GXYLT1: variants seen among roughly 807,000 people sequenced by gnomAD.
GXYLT1 encodes glucoside xylosyltransferase 1.
In GXYLT1, 29 loss-of-function variants were observed where a neutral mutation model predicts 54.0. The observed-to-expected ratio is 0.54, with a 90% CI of 0.40 to 0.73. GXYLT1 has a LOEUF of 0.73. Among genes scored for constraint, GXYLT1 ranks in the 30% least tolerant of loss-of-function variants. The pLI, the probability that GXYLT1 is intolerant of heterozygous loss-of-function variation, is 0.00. For synonymous variants in GXYLT1, 176 were observed against 204.1 expected (o/e 0.86, Z 1.17); for missense variants, 490 against 553.4 (o/e 0.89, Z 1.15).
chr12:42,139,469 A>G (rs929514633), intron 1 of GXYLT1, among the ~76,000 whole-genome samples: 1 of 152,062 alleles, frequency 6.6e-6, no homozygotes, highest in African/African-American at 2.4e-5. Context: ...GAATGGGATT[A>G]GTGGGGGGCC....
At chr12:42,114,351 T>A (rs1451587475) in intron 3 of GXYLT1, among the ~76,000 whole-genome samples, 1 of 152,048 alleles carries the variant, frequency 6.6e-6, no homozygotes, top group Admixed American at 6.5e-5. Flanking sequence ...GCTGGTTTTT[T>A]GAAAAGATCA....
chr12:42,106,133 C>T, intron 4 of GXYLT1, 64 bp from the exon 5 acceptor site: 1 of 1,178,488 alleles, frequency 8.5e-7, no homozygotes, highest in Middle Eastern at 2.1e-4. Context: ...ATAAAAGCAC[C>T]TCTAATTGTG....
chr12:42,137,357 A>T (rs1014705486), intron 1 of GXYLT1, among the ~76,000 whole-genome samples: 2 of 151,870 alleles, frequency 1.3e-5, no homozygotes, highest in African/African-American at 4.8e-5. Flanking sequence ...AAACACAAAA[A>T]ATTAGCCAGG....
At chr12:42,118,855 T>G (rs1393006308) in intron 3 of GXYLT1, 145 bp downstream of exon 3, 1 of 632,346 alleles carries the variant, frequency 1.6e-6, no homozygotes, top group African/African-American at 1.9e-5. Flanking sequence ...TGCTGAACTG[T>G]GAGTCAATTA....
At chr12:42,098,212 GAAGAT>G (rs1262156609) in intron 5 of GXYLT1, among the ~76,000 whole-genome samples, 179 bp from the exon 6 acceptor site, 5 of 152,110 alleles carry the variant, frequency 3.3e-5, no homozygotes, top group Non-Finnish European at 7.4e-5. Context: ...CAGTAAAACA[GAAGAT>G]AACAAAAGGA....
At chr12:42,091,865 T>G (rs1393332465) in intron 7 of GXYLT1, among the ~76,000 whole-genome samples, 1 of 152,164 alleles carries the variant, frequency 6.6e-6, no homozygotes, top group Non-Finnish European at 1.5e-5. Flanking sequence ...CCACTTCATT[T>G]CGGCCCCTGC....
At position 42,087,585 on chromosome 12, in the gene GXYLT1, T is replaced by C. The variant is rs770372952; in HGVS notation, c.*201A>G. The C allele has an allele frequency of 2.0e-6, 1 of 489,216 alleles. No individual in the cohort carries two copies. Among genetic ancestry groups the C allele is most frequent in the Non-Finnish European group, 3.6e-6 (1 of 278,972 alleles). The allele number at this position is 489,216 out of a possible 1,614,324, so 30.3% of individuals were successfully genotyped here. ...AAGTAACATTACAAAACATCAGAGA[T>C]AAAAAATGTTCAATGTTGAGGCCCA... On this transcript the variant is annotated 3_prime_UTR_variant, in exon 8 of 8. Coordinates refer to ENST00000398675, the MANE Select transcript of GXYLT1 (RefSeq NM_173601.2).
chr12:42,106,064 GATTAACT>G lies in GXYLT1; in HGVS notation c.613-2_617del. On this transcript the variant is annotated splice_acceptor_variant and coding_sequence_variant, in exon 5 of 8. Transcript: ENST00000398675. LOFTEE classifies it high-confidence loss of function. Reference sequence around the variant, plus strand: ...ACAATAGTGAGTCAACTTCTTTCAGGATTAACTACAAGGAGAGATATTTGAATGATTA... The same window carrying G: ...ACAATAGTGAGTCAACTTCTTTCAGGACAAGGAGAGATATTTGAATGATTA... 6.3e-7 allele frequency: 1 copy of G among 1,599,422 alleles called. No homozygotes were observed. Among genetic ancestry groups the G allele is most frequent in the South Asian group, 1.1e-5 (1 of 90,150 alleles).
chr12:42,092,132 T>A (rs965060733), intron 7 of GXYLT1, among the ~76,000 whole-genome samples: 4 of 152,160 alleles, frequency 2.6e-5, no homozygotes, highest in Non-Finnish European at 5.9e-5. Context: ...TGGATTATAG[T>A]GAAGTGTTTT....
At chr12:42,099,602 C>T (rs987614333) in intron 5 of GXYLT1, among the ~76,000 whole-genome samples, 6 of 152,164 alleles carry the variant, frequency 3.9e-5, no homozygotes, top group Admixed American at 6.5e-5. Flanking sequence ...CCTGTAATCC[C>T]GGCACTTTGG....
chr12:42,093,321 G>A (rs890505010), intron 7 of GXYLT1, among the ~76,000 whole-genome samples: 5 of 151,764 alleles, frequency 3.3e-5, no homozygotes, highest in African/African-American at 4.8e-5. Context: ...GGCTGGTCTC[G>A]AACTCCTGAC....
rs1231770611 is a variant in GXYLT1 at position 42,106,743 on chromosome 12, C to CTT, written c.613-676_613-675dup. 2.5e-3 allele frequency among the ~76,000 whole-genome samples: 317 copies of CTT among 127,612 alleles called. 2 individuals are homozygous for CTT. The highest frequency in any genetic ancestry group is 6.6e-3 in the African/African-American group (224 of 33,754). 83.7% of individuals were successfully genotyped at this position (127,612 alleles called of 152,430 possible). On this transcript the variant is annotated intron_variant, in intron 4 of 7. Coordinates refer to ENST00000398675, the MANE Select transcript of GXYLT1 (RefSeq NM_173601.2). Reference sequence around the variant, plus strand: ...TTTAAGGATAATTATTATTATTTTTCTTTTTTTTTTTTTTTTTTTTGAGAC... The same window carrying CTT: ...TTTAAGGATAATTATTATTATTTTTCTTTTTTTTTTTTTTTTTTTTTTGAGAC...
In GXYLT1 at chr12:42,087,414, G is replaced by A. The variant is rs749959677; in HGVS notation, c.*372C>T. ...AGGTTAGTGCTGACATAAAATTATT[G>A]CTCTACTCACAGTCTTGAGTGTTGG... On this transcript the variant is annotated 3_prime_UTR_variant, in exon 8 of 8. Transcript: ENST00000398675. 5 of 165,220 alleles carry A rather than the reference G, an allele frequency of 3.0e-5. No individual in the cohort carries two copies. The highest frequency in any genetic ancestry group is 6.5e-5 in the Non-Finnish European group (5 of 77,204). 10.2% of individuals were successfully genotyped at this position (165,220 alleles called of 1,614,324 possible). A position where few individuals can be genotyped will look rare whatever the true frequency, so the allele number is the denominator to read the frequency against.
chr12:42,093,144 C>T (rs1180911933), intron 7 of GXYLT1, among the ~76,000 whole-genome samples: 2 of 152,204 alleles, frequency 1.3e-5, no homozygotes, highest in African/African-American at 4.8e-5. Context: ...TTTGCCCAGG[C>T]TGTAGTGCAA....
At chr12:42,090,858 T>C (rs1339042376) in intron 7 of GXYLT1, among the ~76,000 whole-genome samples, 2 of 152,236 alleles carry the variant, frequency 1.3e-5, no homozygotes, top group African/African-American at 2.4e-5. Flanking sequence ...AAATACCTTA[T>C]AGAGCCATAA....
chr12:42,117,744 C>G (rs1271219277), intron 3 of GXYLT1, among the ~76,000 whole-genome samples: 1 of 152,134 alleles, frequency 6.6e-6, no homozygotes, highest in African/African-American at 2.4e-5. Context: ...TCTTCTGCCT[C>G]TATCTGTTCT....
chr12:42,134,964 G>A (rs975145492), intron 1 of GXYLT1, among the ~76,000 whole-genome samples: 3 of 152,038 alleles, frequency 2.0e-5, no homozygotes, highest in Non-Finnish European at 2.9e-5. Flanking sequence ...CTGTATTACT[G>A]TTCAGTTATT....
At chr12:42,141,374 C>T (rs190400903) in intron 1 of GXYLT1, among the ~76,000 whole-genome samples, 2 of 152,266 alleles carry the variant, frequency 1.3e-5, no homozygotes, top group East Asian at 3.9e-4. Context: ...ACTGTATAAG[C>T]CTATAAATAT....
chr12:42,137,762 G>GGAAAAAAAAAAAAAA (rs373214719), intron 1 of GXYLT1, among the ~76,000 whole-genome samples: 1 of 107,180 alleles, frequency 9.3e-6, no homozygotes, highest in Non-Finnish European at 1.7e-5. Flanking sequence ...ATCTCAAATT[G>GGAAAAAAAAAAAAAA]AAAAAAAAAA....
Sources: allele counts gnomAD v4.1 joint callset (sites outside exome capture counted in the v4.1 genomes callset), GRCh38; gene constraint gnomAD v4.1.1; transcripts MANE v1.5; gene names NCBI Gene and HGNC (gene_info 2026-07-23, HGNC 2026-07-21).